LRBA: variants seen among roughly 807,000 people sequenced by gnomAD.
LRBA encodes LPS responsive beige-like anchor protein, also known as lipopolysaccharide-responsive and beige-like anchor protein.
A neutral mutation model predicts 330.0 loss-of-function variants in LRBA; 176 were observed. The ratio of observed to expected loss-of-function variants is 0.53; its 90% CI spans 0.47 to 0.60. The LOEUF is 0.60. Among genes scored for constraint, LRBA ranks in the 20% least tolerant of loss-of-function variants. The probability of loss-of-function intolerance (pLI) is 0.00; values close to 1 mark genes in which losing one functional copy is unlikely to be tolerated. For synonymous variants in LRBA, 1,230 were observed against 1,193.0 expected (o/e 1.03, Z -0.64); for missense variants, 3,259 against 3,444.8 (o/e 0.95, Z 1.35).
At chr4:150,714,884 T>C (rs886162823) in intron 36 of LRBA, among the ~76,000 whole-genome samples, 1 of 152,264 alleles carries the variant, frequency 6.6e-6, no homozygotes, top group East Asian at 1.9e-4. Flanking sequence ...GGTTAAAAAC[T>C]GAGACACCAG....
At position 150,302,616 on chromosome 4, in the gene LRBA, C is replaced by T. The variant is rs1580951421; in HGVS notation, c.8017+9G>A. 1.3e-6 allele frequency: 2 copies of T among 1,592,298 alleles called. No homozygotes were observed. On this transcript the variant is annotated intron_variant, in intron 53 of 56. Transcript: ENST00000651943. The stretch of plus-strand genomic sequence containing the variant: ...GTAAAAGTTTACTTAAAAAATGAGT[C>T]ATACTTACTGCCTGGGTTATCTCCA...
At chr4:150,827,784 TAG>T (rs1321305951) in intron 30 of LRBA, among the ~76,000 whole-genome samples, 1 of 151,974 alleles carries the variant, frequency 6.6e-6, no homozygotes, top group African/African-American at 2.4e-5. Context: ...GTATTTTTAG[TAG>T]AGACTGGGTT....
chr4:150,734,260 G>A (rs967630682), intron 36 of LRBA, among the ~76,000 whole-genome samples: 1 of 151,728 alleles, frequency 6.6e-6, no homozygotes, highest in East Asian at 1.9e-4. Flanking sequence ...TATTTTGCAG[G>A]TAGATATCCT....
chr4:150,361,579 T>C (rs1236349985), intron 47 of LRBA, among the ~76,000 whole-genome samples: 5 of 152,136 alleles, frequency 3.3e-5, no homozygotes, highest in Non-Finnish European at 7.4e-5. Context: ...ACATTTCTGA[T>C]TTTCCTATTC....
At chr4:150,861,776 T>G (rs1751975541) in intron 22 of LRBA, among the ~76,000 whole-genome samples, 1 of 152,204 alleles carries the variant, frequency 6.6e-6, no homozygotes, top group Non-Finnish European at 1.5e-5. Flanking sequence ...TTGACTCTTT[T>G]GAAATCAAAT....
chr4:150,973,077 G>A (rs1024763769), intron 2 of LRBA, among the ~76,000 whole-genome samples: 2 of 152,192 alleles, frequency 1.3e-5, no homozygotes, highest in African/African-American at 2.4e-5. Flanking sequence ...CTTGAGGCCA[G>A]GAGTTCAAGA....
chr4:150,669,527 C>G (rs1321100890), intron 37 of LRBA, among the ~76,000 whole-genome samples: 1 of 151,958 alleles, frequency 6.6e-6, no homozygotes, highest in African/African-American at 2.4e-5. Context: ...AGACTACTGA[C>G]CATTTGTTTT....
chr4:150,963,440 G>C (rs1001173306), intron 2 of LRBA, among the ~76,000 whole-genome samples: 6 of 149,632 alleles, frequency 4.0e-5, no homozygotes, highest in Admixed American at 1.3e-4. Context: ...GCCGGCCTCG[G>C]CCTCCTGAGG....
intron 34 of LRBA, among the ~76,000 whole-genome samples, chr4:150,763,473 C>T (rs547674068): frequency 2.0e-5 from 3 of 151,778 alleles, no homozygotes; most frequent in East Asian, 1.9e-4. Flanking sequence ...TTTTTTCCAG[C>T]GAGGTAAAAC....
intron 37 of LRBA, among the ~76,000 whole-genome samples, chr4:150,622,615 G>A (rs1177008635): frequency 6.6e-6 from 1 of 151,552 alleles, no homozygotes; most frequent in African/African-American, 2.4e-5. Flanking sequence ...TCTTCCGGGG[G>A]AAAATGCGGG....
At chr4:150,560,287 G>T (rs1355393444) in intron 40 of LRBA, among the ~76,000 whole-genome samples, 1 of 151,878 alleles carries the variant, frequency 6.6e-6, no homozygotes, top group Admixed American at 6.6e-5. Context: ...GATAAATGAG[G>T]CTAAATATTA....
chr4:150,530,235 T>C (rs1362715581), intron 40 of LRBA, among the ~76,000 whole-genome samples: 3 of 151,432 alleles, frequency 2.0e-5, no homozygotes, highest in African/African-American at 7.3e-5. Flanking sequence ...TCTAAGAAGA[T>C]ACAAAAGTGC....
At chr4:150,568,554 T>A (rs932738165) in intron 40 of LRBA, among the ~76,000 whole-genome samples, 1 of 152,094 alleles carries the variant, frequency 6.6e-6, no homozygotes, top group African/African-American at 2.4e-5. Context: ...TATACCTGGT[T>A]TGAAGAGAAA....
rs138753639 is a variant in LRBA at position 150,635,310 on chromosome 4, C to T, written c.5922-36179G>A. Among the ~76,000 whole-genome samples the T allele has an allele frequency of 9.1e-3, 1,392 of 152,346 alleles. 24 individuals are homozygous for T. The highest frequency in any genetic ancestry group is 0.032 in the African/African-American group (1,317 of 41,586). ...TCAACTCTTTACTCCAGATTTTTCT[C>T]ATAAGACTGCGTTTTCAAACTGTTT... On this transcript the variant is annotated intron_variant, in intron 37 of 56. Transcript: ENST00000651943.
At chr4:150,732,959 C>T (rs1010284351) in intron 36 of LRBA, among the ~76,000 whole-genome samples, 2 of 151,884 alleles carry the variant, frequency 1.3e-5, no homozygotes, top group Non-Finnish European at 2.9e-5. Flanking sequence ...CAAGTATATC[C>T]CATTACTTTT....
rs554263268 is a variant in LRBA at position 150,392,196 on chromosome 4, T to A, written c.7194+23242A>T. ...TCTTCATCTTTGAGTCAGTTTGGAC[T>A]GCGATAACAAATATCATAAACTGGG... On this transcript the variant is annotated intron_variant, in intron 47 of 56. Transcript: ENST00000651943. 5.3e-5 allele frequency among the ~76,000 whole-genome samples: 8 copies of A among 152,294 alleles called. No individual in the cohort carries two copies. The East Asian group carries it at 1.5e-3, about 29-fold the overall frequency.
At chr4:150,974,841 T>A (rs911249653) in intron 2 of LRBA, among the ~76,000 whole-genome samples, 9 of 152,038 alleles carry the variant, frequency 5.9e-5, no homozygotes, top group Non-Finnish European at 1.3e-4. Flanking sequence ...AATCTCAGAC[T>A]AGCCCCTGAG....
At chr4:150,865,744 T>A (rs113100978) in intron 22 of LRBA, among the ~76,000 whole-genome samples, 4,755 of 147,150 alleles carry the variant, frequency 0.032, 211 homozygotes, top group African/African-American at 0.11. Flanking sequence ...TTAGATGGAG[T>A]CTCACTGTCT....
At chr4:150,558,338 C>G (rs910543431) in intron 40 of LRBA, among the ~76,000 whole-genome samples, 2 of 152,128 alleles carry the variant, frequency 1.3e-5, no homozygotes, top group Non-Finnish European at 2.9e-5. Context: ...ACTCTTCTCT[C>G]CCCTACTAAT....
Sources: allele counts gnomAD v4.1 joint callset (sites outside exome capture counted in the v4.1 genomes callset), GRCh38; gene constraint gnomAD v4.1.1; transcripts MANE v1.5; gene names NCBI Gene and HGNC (gene_info 2026-07-23, HGNC 2026-07-21).